The following DGAT1 variants were observed in gnomAD, a reference collection of about 807,000 sequenced individuals.
The protein encoded by DGAT1 is diacylglycerol O-acyltransferase 1.
DGAT1 carries 60 observed loss-of-function variants against 72.6 expected under a neutral mutation model. The observed-to-expected ratio is 0.83, with a 90% CI of 0.67 to 1.02. DGAT1 has a LOEUF of 1.02. DGAT1 is among the 50% of genes least tolerant of loss of function. The pLI is 0.00. For missense variants in DGAT1, 592 were observed against 670.0 expected, an observed-to-expected ratio of 0.88 and a Z score of 1.29; for synonymous variants, 290 against 267.5, an observed-to-expected ratio of 1.08 and a Z score of -0.82.
In DGAT1 at chr8:144,326,821, A is replaced by C. The variant is rs1250921314; in HGVS notation, c.-185T>G. On this transcript the variant is annotated 5_prime_UTR_variant, in exon 1 of 17. Coordinates refer to ENST00000528718, the MANE Select transcript of DGAT1 (RefSeq NM_012079.6). ...CGCGTCGGGCCCGTCGGCCTCAAGGACAACGGCTGCGTTGCTCCGGAGCCG... is the reference window on the plus strand; with the variant it reads ...CGCGTCGGGCCCGTCGGCCTCAAGGCCAACGGCTGCGTTGCTCCGGAGCCG... The C allele has an allele frequency of 4.6e-5, 15 of 326,570 alleles. No individual in the cohort carries two copies. Among genetic ancestry groups the C allele is most frequent in the Non-Finnish European group, 6.8e-5 (14 of 207,174 alleles). 20.2% of individuals were successfully genotyped at this position (326,570 alleles called of 1,614,324 possible).
Position 144,316,595 on chromosome 8 carries a change from A to G in DGAT1, c.1426T>C (p.Tyr476His), listed in dbSNP as rs1554847030. ...GGGGCCTCATAGTTGAGCACGTAGT[A>G]GTCGTGGACGTACATGAGGACGGCT... is the stretch of plus-strand genomic sequence containing the variant. ...PIAVLMYVHD[Y>H]YVLNYEAPAA... Residue 476 changes from tyrosine to histidine, a missense_variant, in exon 17 of 17, where the codon TAC becomes CAC. Physicochemically the swap from Tyr to His is moderately conservative, Grantham distance 83. Coordinates refer to ENST00000528718, the MANE Select transcript of DGAT1 (RefSeq NM_012079.6). The G allele has an allele frequency of 6.2e-7, 1 of 1,605,490 alleles. No individual in the cohort carries two copies. The highest frequency in any genetic ancestry group is 8.5e-7 in the Non-Finnish European group (1 of 1,176,664).
Position 144,326,503 on chromosome 8 carries a change from T to TC in DGAT1, c.133dup (p.Asp45GlyfsTer35). 1 of 1,278,150 alleles carries TC rather than the reference T, an allele frequency of 7.8e-7. No individual in the cohort carries two copies. Among genetic ancestry groups the TC allele is most frequent in the South Asian group, 2.5e-5 (1 of 39,616 alleles). 79.2% of individuals were successfully genotyped at this position (1,278,150 alleles called of 1,614,324 possible). A position where few individuals can be genotyped will look rare whatever the true frequency, so the allele number is the denominator to read the frequency against. ...CTTGTTGGGGGCCGGGGCTGGCGCG[T>TC]CCCCCGCGGCTCCCACGTCGGGGCC... is the stretch of plus-strand genomic sequence containing the variant. On this transcript the variant is annotated frameshift_variant, in exon 1 of 17. Transcript: ENST00000528718. LOFTEE classifies it high-confidence loss of function.
intron 6 of DGAT1, 27 bp downstream of exon 6, chr8:144,318,432 CAG>C (rs1817326533): frequency 6.2e-7 from 1 of 1,609,048 alleles, no homozygotes; most frequent in Admixed American, 1.7e-5. Context: ...TGGCCCGAGA[CAG>C]ATGGGCAGGG....
chr8:144,324,801 C>T (rs1237604010), intron 1 of DGAT1, among the ~76,000 whole-genome samples: 1 of 152,192 alleles, frequency 6.6e-6, no homozygotes, highest in Non-Finnish European at 1.5e-5. Flanking sequence ...GGCGCGGTGG[C>T]TCACACCTGT....
chr8:144,316,618 G>A lies in DGAT1; in HGVS notation c.1403C>T (p.Ala468Val). 7 of 1,607,910 alleles carry A rather than the reference G, an allele frequency of 4.4e-6. No individual in the cohort carries two copies. Among genetic ancestry groups the A allele is most frequent in the Non-Finnish European group, 5.1e-6 (6 of 1,178,058 alleles). ...WLSLIIGQPI[A>V]VLMYVHDYYV... ...GTAGTCGTGGACGTACATGAGGACG[G>A]CTATTGGCTGTCCGATGATGAGCGA... The change falls in exon 17 of 17, where the codon GCC becomes GTC. Residue 468 changes from alanine to valine, a missense_variant. Ala to Val is a moderately conservative substitution (Grantham distance 64, BLOSUM62 0). Transcript: ENST00000528718.
At chr8:144,316,987 C>G (rs1554847168) in intron 15 of DGAT1, 35 bp downstream of exon 15, 2 of 1,611,408 alleles carry the variant, frequency 1.2e-6, no homozygotes, top group Admixed American at 1.7e-5. Context: ...TACCCCTGCC[C>G]AGGGATGAGG....
At chr8:144,322,744 G>A (rs1554848326) in intron 1 of DGAT1, among the ~76,000 whole-genome samples, 1 of 152,162 alleles carries the variant, frequency 6.6e-6, no homozygotes, top group African/African-American at 2.4e-5. Flanking sequence ...GGAACACAGG[G>A]GCAGGCAGCT....
chr8:144,326,522 CGGG>C lies in DGAT1; in HGVS notation c.112_114del (p.Pro38del). The C allele has an allele frequency of 7.9e-7, 1 of 1,272,376 alleles. No individual in the cohort carries two copies. Among genetic ancestry groups the C allele is most frequent in the South Asian group, 2.6e-5 (1 of 38,212 alleles). 78.8% of individuals were successfully genotyped at this position (1,272,376 alleles called of 1,614,324 possible). A position where few individuals can be genotyped will look rare whatever the true frequency, so the allele number is the denominator to read the frequency against. On this transcript the variant is annotated inframe_deletion, in exon 1 of 17. Transcript: ENST00000528718. ...GGCGCGTCCCCCGCGGCTCCCACGT[CGGG>C]GCCCGCAGCGGCGTCCCGCACCTCC...
chr8:144,318,228 A>G (rs782767810), intron 7 of DGAT1, 33 bp downstream of exon 7: 1 of 1,610,308 alleles, frequency 6.2e-7, no homozygotes, highest in Admixed American at 1.7e-5. Context: ...CCAGCCCCCC[A>G]GCAGGCAGCC....
In DGAT1 at chr8:144,317,842, C is replaced by T. The variant is rs782127538; in HGVS notation, c.856-20G>A. On this transcript the variant is annotated intron_variant, in intron 9 of 16. Coordinates refer to ENST00000528718, the MANE Select transcript of DGAT1 (RefSeq NM_012079.6). ...GAACAGCTGGGGGGGAAACAGAGAG[C>T]AGCCAGCTGAGGCCCTGGCTAGCCA... 9 of 1,606,812 alleles carry T rather than the reference C, an allele frequency of 5.6e-6. No homozygotes were observed. The highest frequency in any genetic ancestry group is 2.2e-5 in the East Asian group (1 of 44,810).
At chr8:144,319,097 C>G in intron 2 of DGAT1, 29 bp from the exon 3 acceptor site, 2 of 1,551,438 alleles carry the variant, frequency 1.3e-6, no homozygotes, top group Non-Finnish European at 1.7e-6. Context: ...AGGGTGCAGC[C>G]CCTTTAGTCC....
At chr8:144,316,984 G>T (rs1334696477) in intron 15 of DGAT1, 38 bp downstream of exon 15, 1 of 1,611,204 alleles carries the variant, frequency 6.2e-7, no homozygotes, top group South Asian at 1.1e-5. Context: ...GCATACCCCT[G>T]CCCAGGGATG....
At chr8:144,324,588 G>C (rs1554848568) in intron 1 of DGAT1, among the ~76,000 whole-genome samples, 1 of 152,046 alleles carries the variant, frequency 6.6e-6, no homozygotes, top group African/African-American at 2.4e-5. Flanking sequence ...AAGGAGACCC[G>C]ACCTCCACGG....
chr8:144,317,741 C>T lies in DGAT1; in HGVS notation c.895-29G>A, dbSNP rs782703963. 5 of 1,613,612 alleles carry T rather than the reference C, an allele frequency of 3.1e-6. No homozygotes were observed. The Admixed American group carries it at 6.7e-5, about 22-fold the overall frequency. ...CAAAGGAGGGCACCACGTCAGCTCC[C>T]AGCCATGCCCAGCTACACCCAACCC... On this transcript the variant is annotated intron_variant, in intron 10 of 16. Coordinates refer to ENST00000528718, the MANE Select transcript of DGAT1 (RefSeq NM_012079.6).
intron 2 of DGAT1, among the ~76,000 whole-genome samples, chr8:144,320,127 AC>A (rs1192452278): frequency 2.6e-5 from 4 of 152,066 alleles, no homozygotes; most frequent in Non-Finnish European, 5.9e-5. Context: ...GACGGTACCC[AC>A]CTCCAGGCCC....
Position 144,316,586 on chromosome 8 carries a change from G to T in DGAT1, c.1435C>A (p.Leu479Ile). The T allele has an allele frequency of 6.2e-7, 1 of 1,603,516 alleles. No homozygotes were observed. Among genetic ancestry groups the T allele is most frequent in the Non-Finnish European group, 8.5e-7 (1 of 1,175,680 alleles). The change falls in exon 17 of 17, where the codon CTC (leucine) becomes ATC (isoleucine). Residue 479 changes from leucine (L) to isoleucine (I), a missense_variant. Coordinates refer to ENST00000528718, the MANE Select transcript of DGAT1 (RefSeq NM_012079.6). Reference protein sequence around the residue: ...VLMYVHDYYVLNYEAPAAEA With the variant: ...VLMYVHDYYVINYEAPAAEA ...TCTGCCGCTGGGGCCTCATAGTTGAGCACGTAGTAGTCGTGGACGTACATG... is the reference window on the plus strand; with the variant it reads ...TCTGCCGCTGGGGCCTCATAGTTGATCACGTAGTAGTCGTGGACGTACATG...
chr8:144,317,004 G>T lies in DGAT1; in HGVS notation c.1248+18C>A, dbSNP rs527868304. The T allele has an allele frequency of 7.4e-6, 12 of 1,611,144 alleles. No homozygotes were observed. Among genetic ancestry groups the T allele is most frequent in the South Asian group, 2.2e-5 (2 of 91,076 alleles). ...CCCCTGCCCAGGGATGAGGCAAGAT[G>T]CCCCCCAGAGCACTGACCTCGTGGA... On this transcript the variant is annotated intron_variant, in intron 15 of 16. Transcript: ENST00000528718.
chr8:144,314,826 G>T lies in DGAT1; in HGVS notation c.*1728C>A. ...GGCCGGGCTGCAGTGGCCTCCTGGG[G>T]GAAGACGGATGCTTGCAGCTAGCTC... On this transcript the variant is annotated 3_prime_UTR_variant, in exon 17 of 17. Transcript: ENST00000528718. 1 of 880,528 alleles carries T rather than the reference G, an allele frequency of 1.1e-6. No individual in the cohort carries two copies. The highest frequency in any genetic ancestry group is 1.4e-6 in the Non-Finnish European group (1 of 732,236). The allele number at this position is 880,528 out of a possible 1,614,324, so 54.5% of individuals were successfully genotyped here.
In DGAT1 at chr8:144,316,057, G is replaced by A; in HGVS notation, c.*497C>T. On this transcript the variant is annotated 3_prime_UTR_variant, in exon 17 of 17. Coordinates refer to ENST00000528718, the MANE Select transcript of DGAT1 (RefSeq NM_012079.6). ...AGTGCCGATTCCCGCACACCCAGCA[G>A]GAGTAGCACCAGGAGAGGACGCCTG... is the stretch of plus-strand genomic sequence containing the variant. 1 of 444,482 alleles carries A rather than the reference G, an allele frequency of 2.2e-6. No homozygotes were observed. Among genetic ancestry groups the A allele is most frequent in the African/African-American group, 2.1e-5 (1 of 46,956 alleles). 27.5% of individuals were successfully genotyped at this position (444,482 alleles called of 1,614,324 possible). A position where few individuals can be genotyped will look rare whatever the true frequency, so the allele number is the denominator to read the frequency against.
Sources: allele counts gnomAD v4.1 joint callset (sites outside exome capture counted in the v4.1 genomes callset), GRCh38; gene constraint gnomAD v4.1.1; transcripts MANE v1.5; gene names NCBI Gene and HGNC (gene_info 2026-07-23, HGNC 2026-07-21).